The following KIF26B variants were observed in gnomAD, a reference collection of about 807,000 sequenced individuals.
KIF26B encodes the protein kinesin-like protein KIF26B.
KIF26B carries 63 observed loss-of-function variants against 151.2 expected under a neutral mutation model. The ratio of observed to expected loss-of-function variants is 0.42; its 90% CI spans 0.34 to 0.51. The LOEUF (loss-of-function observed/expected upper bound fraction) is 0.51, where lower values mean the gene tolerates loss of function less well. KIF26B is among the 20% of genes least tolerant of loss of function. The pLI, the probability that KIF26B is intolerant of heterozygous loss-of-function variation, is 0.07. For missense variants in KIF26B, 2,813 were observed against 2,913.6 expected (o/e 0.97, Z 0.79); for synonymous variants, 1,357 against 1,262.1 (o/e 1.08, Z -1.59).
chr1:245,275,889 T>C (rs184561935), intron 2 of KIF26B, among the ~76,000 whole-genome samples: 22 of 152,306 alleles, frequency 1.4e-4, no homozygotes, highest in Admixed American at 7.2e-4. Context: ...GTCTTTATTC[T>C]TGGAAAGTAT....
At chr1:245,364,623 T>C (rs1558403936) in intron 2 of KIF26B, among the ~76,000 whole-genome samples, 1 of 151,952 alleles carries the variant, frequency 6.6e-6, no homozygotes, top group Non-Finnish European at 1.5e-5. Context: ...TGTTTCACCA[T>C]GTTGGCCAGG....
rs748918599 is a variant in KIF26B, at chr1:245,555,096, CT to C, written c.1350+14149del. ...TGCCGCAGAGGGAGAAATGTCATAT[CT>C]TTCAAAATTCCAGTGTTTCCTAGTC... On this transcript the variant is annotated intron_variant, in intron 5 of 14. Transcript: ENST00000407071. 2.6e-5 allele frequency among the ~76,000 whole-genome samples: 4 copies of C among 152,134 alleles called. No individual in the cohort carries two copies. In the East Asian group the frequency reaches 5.8e-4, roughly 22 times the overall value.
chr1:245,265,584 T>A (rs571159344), intron 2 of KIF26B, among the ~76,000 whole-genome samples: 1 of 149,160 alleles, frequency 6.7e-6, no homozygotes, highest in East Asian at 2.0e-4. Flanking sequence ...GTGTAGAGAA[T>A]GACTTTTTTT....
chr1:245,513,434 G>T (rs945015894), intron 4 of KIF26B, among the ~76,000 whole-genome samples: 1 of 152,126 alleles, frequency 6.6e-6, no homozygotes, highest in Non-Finnish European at 1.5e-5. Context: ...AGAGACAGGT[G>T]GGTTGTCTCT....
intron 2 of KIF26B, among the ~76,000 whole-genome samples, chr1:245,159,938 TAGG>T (rs1316500659): frequency 6.6e-6 from 1 of 152,016 alleles, no homozygotes; most frequent in Non-Finnish European, 1.5e-5. Flanking sequence ...AGGTAGGAAA[TAGG>T]AGGAGACATG....
chr1:245,515,548 G>A (rs1400138737), intron 4 of KIF26B, among the ~76,000 whole-genome samples: 2 of 152,242 alleles, frequency 1.3e-5, no homozygotes, highest in Non-Finnish European at 2.9e-5. Context: ...TGAGTAGAGT[G>A]CTGTGCAGTT....
At position 245,705,073 on chromosome 1, in the gene KIF26B, T is replaced by G. The variant is rs1203061907; in HGVS notation, c.*2467T>G. ...GGAATCCTTCCGAGGGGAGTGGCAT[T>G]CGGCTTGCCTCCTGCCTAAATCTGC... On this transcript the variant is annotated 3_prime_UTR_variant, in exon 15 of 15. Coordinates refer to ENST00000407071, the MANE Select transcript of KIF26B (RefSeq NM_018012.4). 6.6e-6 allele frequency: 1 copy of G among 152,208 alleles called. No individual in the cohort carries two copies. Among genetic ancestry groups the G allele is most frequent in the Non-Finnish European group, 1.5e-5 (1 of 68,048 alleles). The allele number at this position is 152,208 out of a possible 1,614,324, so 9.4% of individuals were successfully genotyped here.
intron 3 of KIF26B, among the ~76,000 whole-genome samples, chr1:245,382,637 C>A (rs573368938): frequency 1.3e-5 from 2 of 152,172 alleles, no homozygotes; most frequent in East Asian, 3.9e-4. Context: ...GGCACAATCT[C>A]AGCTCATCAC....
chr1:245,279,311 T>C (rs944774999), intron 2 of KIF26B, among the ~76,000 whole-genome samples: 2 of 150,714 alleles, frequency 1.3e-5, no homozygotes, highest in Non-Finnish European at 3.0e-5. Flanking sequence ...TCTTTCTTTT[T>C]TTTTTTTTTT....
intron 2 of KIF26B, among the ~76,000 whole-genome samples, chr1:245,220,787 G>A (rs1669751222): frequency 6.6e-6 from 1 of 151,484 alleles, no homozygotes; most frequent in Non-Finnish European, 1.5e-5. Flanking sequence ...TGGGGTGTGG[G>A]TTTTGGGGGC....
chr1:245,543,106 G>A (rs1661661506), intron 5 of KIF26B, among the ~76,000 whole-genome samples: 1 of 152,144 alleles, frequency 6.6e-6, no homozygotes, highest in South Asian at 2.1e-4. Flanking sequence ...TCCTACAAGG[G>A]TTGATGTGGA....
chr1:245,640,143 C>CTCTCTCTCTCTCTCTCTCTCTATATATA, intron 9 of KIF26B, among the ~76,000 whole-genome samples: 39 of 31,902 alleles, frequency 1.2e-3, no homozygotes, highest in African/African-American at 2.9e-3. Flanking sequence ...CTCTCTCTCT[C>CTCTCTCTCTCTCTCTCTCTCTATATATA]TATATATATA....
intron 2 of KIF26B, among the ~76,000 whole-genome samples, chr1:245,198,553 C>T (rs960052689): frequency 2.0e-5 from 3 of 152,116 alleles, no homozygotes; most frequent in Non-Finnish European, 4.4e-5. Flanking sequence ...AAAACCCCGT[C>T]TCTACTAAAA....
chr1:245,176,931 G>T (rs955303539), intron 2 of KIF26B, among the ~76,000 whole-genome samples: 1 of 152,182 alleles, frequency 6.6e-6, no homozygotes, highest in Non-Finnish European at 1.5e-5. Context: ...ACACACAGGG[G>T]TATGGCCATT....
chr1:245,273,018 A>G (rs962932104), intron 2 of KIF26B, among the ~76,000 whole-genome samples: 2 of 151,216 alleles, frequency 1.3e-5, no homozygotes, highest in East Asian at 1.9e-4. Context: ...TGTTTTATAA[A>G]TGTCTGTTGG....
At chr1:245,187,660 A>C (rs1329357806) in intron 2 of KIF26B, among the ~76,000 whole-genome samples, 1 of 152,228 alleles carries the variant, frequency 6.6e-6, no homozygotes, top group African/African-American at 2.4e-5. Context: ...CTTTAGGAGA[A>C]TGTGGATTGG....
intron 5 of KIF26B, among the ~76,000 whole-genome samples, chr1:245,559,578 A>AT (rs1258212272): frequency 2.0e-5 from 3 of 146,750 alleles, no homozygotes; most frequent in Non-Finnish European, 3.0e-5. Flanking sequence ...CACCTGCCTA[A>AT]TTTTTTGTAT....
chr1:245,679,022 T>G (rs1353093730), intron 10 of KIF26B, among the ~76,000 whole-genome samples: 1 of 152,134 alleles, frequency 6.6e-6, no homozygotes, highest in Non-Finnish European at 1.5e-5. Flanking sequence ...CTGCATTCTC[T>G]GCTTGGTGGT....
Position 245,358,518 on chromosome 1 carries a change from TCAAAACAAAACAAAA to T in KIF26B, c.466-8303_466-8289del, listed in dbSNP as rs201196844. Among the ~76,000 whole-genome samples the T allele has an allele frequency of 7.2e-5, 11 of 152,060 alleles. No homozygotes were observed. Among genetic ancestry groups the T allele is most frequent in the African/African-American group, 2.7e-4 (11 of 41,366 alleles). On this transcript the variant is annotated intron_variant, in intron 2 of 14. Coordinates refer to ENST00000407071, the MANE Select transcript of KIF26B (RefSeq NM_018012.4). The surrounding 1 kb of genome is among the most constrained non-coding windows in gnomAD (Gnocchi z 4.1). The stretch of plus-strand genomic sequence containing the variant: ...CTGGGCTACAGAGTGAGACTCCGTC[TCAAAACAAAACAAAA>T]CAAAACAAAACAGCCAAGTACATTT...
Sources: allele counts gnomAD v4.1 joint callset (sites outside exome capture counted in the v4.1 genomes callset), GRCh38; gene constraint gnomAD v4.1.1; non-coding constraint Gnocchi (gnomAD v3.1); transcripts MANE v1.5; gene names NCBI Gene and HGNC (gene_info 2026-07-23, HGNC 2026-07-21).